Variants in STK33 observed in about 807,000 individuals in gnomAD.
The protein encoded by STK33 is serine/threonine-protein kinase 33.
In STK33, 52 loss-of-function variants were observed where a neutral mutation model predicts 58.0. That is an observed-to-expected ratio of 0.90 (90% CI 0.72 to 1.13). The LOEUF (loss-of-function observed/expected upper bound fraction) is 1.13, where lower values mean the gene tolerates loss of function less well. Among genes scored for constraint, STK33 ranks in the 50% most tolerant of loss-of-function variants. The pLI is 0.00. For missense variants in STK33, 630 were observed against 604.2 expected (o/e 1.04, Z -0.45); for synonymous variants, 215 against 200.1 (o/e 1.07, Z -0.63).
intron 1 of STK33, chr11:8,533,434 G>A (rs1406898601): frequency 6.6e-6 from 1 of 152,240 alleles, no homozygotes; most frequent in Non-Finnish European, 1.5e-5. Flanking sequence ...CCAGAAGTGA[G>A]CAGCAGAGCT....
chr11:8,589,529 G>C (rs1469735374), intron 1 of STK33, among the ~76,000 whole-genome samples: 1 of 152,198 alleles, frequency 6.6e-6, no homozygotes. Flanking sequence ...ACTGCTATTG[G>C]ATGTGAGGAT....
intron 1 of STK33, among the ~76,000 whole-genome samples, chr11:8,492,207 G>A (rs200853160): frequency 4.1e-5 from 6 of 146,706 alleles, no homozygotes; most frequent in East Asian, 4.0e-4. Flanking sequence ...CCCATCTCAC[G>A]TGCAGAGACA....
chr11:8,501,063 T>A (rs978757987), intron 1 of STK33, among the ~76,000 whole-genome samples: 5 of 152,142 alleles, frequency 3.3e-5, no homozygotes, highest in African/African-American at 1.2e-4. Context: ...ATCAAAGACC[T>A]AATTGTAAGG....
At chr11:8,490,499 G>A (rs1381172044) in intron 1 of STK33, among the ~76,000 whole-genome samples, 2 of 152,188 alleles carry the variant, frequency 1.3e-5, no homozygotes, top group Non-Finnish European at 2.9e-5. Context: ...GGGCATAACT[G>A]AAGAAAAGGC....
intron 12 of STK33, among the ~76,000 whole-genome samples, chr11:8,437,953 C>A (rs1283063865): frequency 1.3e-5 from 2 of 152,096 alleles, no homozygotes; most frequent in Admixed American, 6.6e-5. Context: ...TTTTAAAATG[C>A]AATTTAAAAA....
the STK33 span, among the ~76,000 whole-genome samples, chr11:8,345,396 T>C: frequency 6.6e-6 from 1 of 152,238 alleles, no homozygotes; most frequent in East Asian, 1.9e-4. Flanking sequence ...CATTAAACCC[T>C]CGTCTCCCTT....
intron 1 of STK33, among the ~76,000 whole-genome samples, chr11:8,582,186 T>TA (rs34325632): frequency 1.3e-4 from 20 of 152,208 alleles, no homozygotes; most frequent in Admixed American, 3.3e-4. Context: ...GCTGTATTTT[T>TA]AAAAAAATCA....
intron 1 of STK33, among the ~76,000 whole-genome samples, chr11:8,554,234 A>G (rs2140724770): frequency 6.6e-6 from 1 of 152,106 alleles, no homozygotes; most frequent in Non-Finnish European, 1.5e-5. Context: ...CCTGGCTAAC[A>G]CAGTGAAACC....
chr11:8,487,875 A>G (rs747235859), intron 1 of STK33, among the ~76,000 whole-genome samples: 6 of 152,264 alleles, frequency 3.9e-5, no homozygotes, highest in Non-Finnish European at 8.8e-5. Flanking sequence ...GGCTTGCAGT[A>G]ACCCAAAAAG....
intron 1 of STK33, among the ~76,000 whole-genome samples, chr11:8,558,006 A>C (rs1435726747): frequency 6.6e-6 from 1 of 152,200 alleles, no homozygotes; most frequent in Non-Finnish European, 1.5e-5. Flanking sequence ...GCAGCCCTTC[A>C]CAAAAATTTA....
chr11:8,457,288 A>C, intron 9 of STK33, 53 bp downstream of exon 9: 1 of 1,429,800 alleles, frequency 7.0e-7, no homozygotes, highest in Non-Finnish European at 9.3e-7. Context: ...ACCCTTAAAC[A>C]AAAGTGACAT....
chr11:8,343,074 T>C, the STK33 span, among the ~76,000 whole-genome samples: 1 of 152,246 alleles, frequency 6.6e-6, no homozygotes. Context: ...CATACGATCG[T>C]TTCCTATAGG....
intron 14 of STK33, among the ~76,000 whole-genome samples, chr11:8,418,759 T>C (rs951708706): frequency 7.2e-5 from 11 of 151,930 alleles, no homozygotes; most frequent in Middle Eastern, 3.2e-3. Context: ...GCATTTGTTA[T>C]TTTTTTACTT....
chr11:8,513,868 TTGACTAC>T (rs1459380243), intron 1 of STK33, among the ~76,000 whole-genome samples: 1 of 152,204 alleles, frequency 6.6e-6, no homozygotes, highest in Non-Finnish European at 1.5e-5. Flanking sequence ...TACATGATTA[TTGACTAC>T]TGTCACCCTG....
chr11:8,562,394 C>T (rs930443385), intron 1 of STK33, among the ~76,000 whole-genome samples: 2 of 152,048 alleles, frequency 1.3e-5, no homozygotes, highest in Non-Finnish European at 2.9e-5. Flanking sequence ...GCACTGGCTT[C>T]CTTGGGGATT....
At chr11:8,544,172 C>T (rs1415621948) in intron 1 of STK33, among the ~76,000 whole-genome samples, 1 of 151,738 alleles carries the variant, frequency 6.6e-6, no homozygotes, top group East Asian at 1.9e-4. Flanking sequence ...CCCCCCATCC[C>T]CCGACAGGCA....
At chr11:8,562,417 C>T (rs1414488967) in intron 1 of STK33, among the ~76,000 whole-genome samples, 1 of 152,036 alleles carries the variant, frequency 6.6e-6, no homozygotes, top group Non-Finnish European at 1.5e-5. Context: ...CCAGGTTTTC[C>T]CATGGCGTGT....
chr11:8,381,859 T>C, the STK33 span, among the ~76,000 whole-genome samples: 1 of 152,130 alleles, frequency 6.6e-6, no homozygotes, highest in Non-Finnish European at 1.5e-5. Flanking sequence ...AATTTGGAAA[T>C]AGCCTACAGA....
At chr11:8,470,802 T>A (rs1057022639) in intron 6 of STK33, among the ~76,000 whole-genome samples, 2 of 152,146 alleles carry the variant, frequency 1.3e-5, no homozygotes, top group Non-Finnish European at 2.9e-5. Flanking sequence ...CAACACTTAT[T>A]GCCATCTTAT....
Sources: gnomAD v4.1 joint callset for allele counts (sites outside exome capture counted in the v4.1 genomes callset) on GRCh38, gnomAD v4.1.1 for gene constraint, MANE v1.5 for transcripts, NCBI Gene and HGNC (gene_info 2026-07-23, HGNC 2026-07-21) for gene names.